AKAP13: variants seen among roughly 807,000 people sequenced by gnomAD.
AKAP13 encodes A-kinase anchoring protein 13.
Under a neutral mutation model 264.5 loss-of-function variants are expected in AKAP13, and 80 were observed. The ratio of observed to expected loss-of-function variants is 0.30; its 90% CI spans 0.25 to 0.36. AKAP13 has a LOEUF of 0.36. AKAP13 is among the 10% of genes least tolerant of loss of function. The probability of loss-of-function intolerance (pLI) is 1.00; values close to 1 mark genes in which losing one functional copy is unlikely to be tolerated. For missense variants in AKAP13, 3,712 were observed against 3,435.2 expected, an observed-to-expected ratio of 1.08 and a Z score of -2.01; for synonymous variants, 1,380 against 1,250.2, an observed-to-expected ratio of 1.10 and a Z score of -2.19.
intron 1 of AKAP13, among the ~76,000 whole-genome samples, chr15:85,409,815 TAG>T (rs1257046032): frequency 6.6e-6 from 1 of 150,892 alleles, no homozygotes; most frequent in East Asian, 2.0e-4. Flanking sequence ...GTATTTTTAG[TAG>T]AGACGGGGTT....
At chr15:85,504,476 ATGCGATGTGG>A (rs1483574181) in intron 2 of AKAP13, among the ~76,000 whole-genome samples, 1 of 136,872 alleles carries the variant, frequency 7.3e-6, no homozygotes, top group Non-Finnish European at 1.5e-5. Context: ...GGACCAGCCT[ATGCGATGTGG>A]TGAGACCCTG....
chr15:85,476,443 A>G (rs775663673), intron 1 of AKAP13, among the ~76,000 whole-genome samples: 2 of 152,234 alleles, frequency 1.3e-5, no homozygotes, highest in African/African-American at 4.8e-5. Flanking sequence ...GCTGAATGTG[A>G]TAGAAGGTTA....
chr15:85,583,561 G>C (rs1301890152), intron 7 of AKAP13, among the ~76,000 whole-genome samples: 1 of 152,194 alleles, frequency 6.6e-6, no homozygotes, highest in African/African-American at 2.4e-5. Flanking sequence ...GCCCTGGCAG[G>C]TTGGCATTTC....
chr15:85,582,483 G>T (rs529103062), intron 7 of AKAP13, among the ~76,000 whole-genome samples: 3 of 152,220 alleles, frequency 2.0e-5, no homozygotes, highest in Non-Finnish European at 4.4e-5. Flanking sequence ...ATAGAAAACA[G>T]TGCCAAAAAG....
At chr15:85,663,126 G>A (rs1034223555) in intron 12 of AKAP13, among the ~76,000 whole-genome samples, 3 of 151,982 alleles carry the variant, frequency 2.0e-5, no homozygotes, top group Admixed American at 1.3e-4. Context: ...CCTGAAAAAC[G>A]TGGTGAAACC....
intron 1 of AKAP13, among the ~76,000 whole-genome samples, chr15:85,457,787 G>C (rs1009421322): frequency 2.0e-5 from 3 of 152,194 alleles, no homozygotes; most frequent in Admixed American, 6.5e-5. Flanking sequence ...TTCACGAAGA[G>C]AGATTTGAAT....
Position 85,743,802 on chromosome 15 carries a change from A to G in AKAP13, c.8369A>G (p.Lys2790Arg), listed in dbSNP as rs1319785403. 6.2e-7 allele frequency: 1 copy of G among 1,611,526 alleles called. No homozygotes were observed. Among genetic ancestry groups the G allele is most frequent in the Non-Finnish European group, 8.5e-7 (1 of 1,179,030 alleles). The change falls in exon 36 of 37, where the codon AAA becomes AGA. Residue 2790 changes from lysine (K) to arginine (R), a missense_variant. Around this residue, in one of 3 missense-constraint regions of AKAP13, gnomAD observed 611 missense variants for 539.3 expected, o/e 1.13. Transcript: ENST00000394518. ...KEKKEKKKKN[K>R]TSRSQPGDGP... The stretch of plus-strand genomic sequence containing the variant: ...AAGAAGGAGAAAAAAAAGAAGAACA[A>G]AACCAGCCGCTCTCAGCCCGGTGGT...
intron 8 of AKAP13, among the ~76,000 whole-genome samples, chr15:85,610,154 T>G (rs1038388116): frequency 6.6e-5 from 10 of 152,260 alleles, no homozygotes; most frequent in Admixed American, 6.5e-4. Flanking sequence ...GGCATGCTGA[T>G]GACAACGAGA....
At chr15:85,620,266 G>T in intron 8 of AKAP13, 1 of 1,132,182 alleles carries the variant, frequency 8.8e-7, no homozygotes, top group Non-Finnish European at 1.3e-6. Flanking sequence ...CCTGTATTGG[G>T]AGAAAGGCCG....
rs1387402625 is a variant in AKAP13, at chr15:85,485,703, G to T, written c.-11-7G>T. 16 of 1,612,466 alleles carry T rather than the reference G, an allele frequency of 9.9e-6. No individual in the cohort carries two copies. Among genetic ancestry groups the T allele is most frequent in the Non-Finnish European group, 1.4e-5 (16 of 1,178,904 alleles). On this transcript the variant is annotated splice_region_variant and splice_polypyrimidine_tract_variant and intron_variant, in intron 1 of 36. Coordinates refer to ENST00000394518, the MANE Select transcript of AKAP13 (RefSeq NM_007200.5). ...TTTTATTCTCATTTATTCCATTTCTGTTTCAGTGTCCTGGGTCATGAAACT... is the reference window on the plus strand; with the variant it reads ...TTTTATTCTCATTTATTCCATTTCTTTTTCAGTGTCCTGGGTCATGAAACT...
At chr15:85,486,616 G>T (rs1004879762) in intron 2 of AKAP13, among the ~76,000 whole-genome samples, 2 of 151,576 alleles carry the variant, frequency 1.3e-5, no homozygotes, top group Non-Finnish European at 2.9e-5. Flanking sequence ...GGTTGTTTTT[G>T]ATTTCTTTCA....
intron 10 of AKAP13, among the ~76,000 whole-genome samples, chr15:85,650,648 C>A (rs1214958944): frequency 6.8e-6 from 1 of 148,044 alleles, no homozygotes; most frequent in Non-Finnish European, 1.5e-5. Flanking sequence ...CCCAGCTACT[C>A]AGGAGGCTGA....
intron 17 of AKAP13, among the ~76,000 whole-genome samples, chr15:85,703,060 AG>A (rs2086022634): frequency 6.6e-6 from 1 of 152,226 alleles, no homozygotes; most frequent in Admixed American, 6.5e-5. Flanking sequence ...CTTTTGTGGT[AG>A]GTTGTTTCTT....
chr15:85,538,658 T>G (rs955178194), intron 4 of AKAP13, among the ~76,000 whole-genome samples: 6 of 144,618 alleles, frequency 4.1e-5, no homozygotes, highest in Non-Finnish European at 6.0e-5. Flanking sequence ...CCCAGCTAAT[T>G]TTTTATATTT....
intron 2 of AKAP13, among the ~76,000 whole-genome samples, chr15:85,494,158 A>G (rs1277827625): frequency 6.6e-6 from 1 of 152,218 alleles, no homozygotes; most frequent in Non-Finnish European, 1.5e-5. Flanking sequence ...GAGATTCAAT[A>G]CCACCTTAAC....
intron 1 of AKAP13, among the ~76,000 whole-genome samples, chr15:85,469,010 G>A (rs1439303554): frequency 1.5e-5 from 2 of 135,650 alleles, no homozygotes; most frequent in Non-Finnish European, 3.1e-5. Context: ...TGCCTCCTGG[G>A]TTCAAGCAAT....
At position 85,572,691 on chromosome 15, in the gene AKAP13, G is replaced by GAC. The variant is rs554222194; in HGVS notation, c.663-2440_663-2439insAC. On this transcript the variant is annotated intron_variant, in intron 5 of 36. Coordinates refer to ENST00000394518, the MANE Select transcript of AKAP13 (RefSeq NM_007200.5). ...AAAATTTTTTTTTTATTATTACACT[G>GAC]TAAGTTCTGGGATGCATGTGTAGAA... Among the ~76,000 whole-genome samples, 550 of 151,910 alleles carry GAC rather than the reference G, an allele frequency of 3.6e-3. 1 individual carries two copies. Among genetic ancestry groups the GAC allele is most frequent in the African/African-American group, 0.013 (520 of 41,406 alleles).
intron 33 of AKAP13, among the ~76,000 whole-genome samples, chr15:85,738,786 C>T (rs1013610647): frequency 1.4e-5 from 2 of 145,382 alleles, no homozygotes; most frequent in African/African-American, 2.6e-5. Context: ...TGCAGTGAGC[C>T]GAGATTGCGC....
chr15:85,585,389 A>G (rs1338817789), intron 7 of AKAP13, among the ~76,000 whole-genome samples: 1 of 152,182 alleles, frequency 6.6e-6, no homozygotes, highest in Non-Finnish European at 1.5e-5. Flanking sequence ...TTAGTTTTCC[A>G]TATGCAAGTT....
Sources: gnomAD v4.1 joint callset for allele counts (sites outside exome capture counted in the v4.1 genomes callset) on GRCh38, gnomAD v4.1.1 for gene constraint, gnomAD v4.1.1 regional missense constraint, MANE v1.5 for transcripts, NCBI Gene and HGNC (gene_info 2026-07-23, HGNC 2026-07-21) for gene names.